Variants in CPEB1 observed in about 807,000 individuals in gnomAD.
CPEB1 encodes cytoplasmic polyadenylation element-binding protein 1.
In CPEB1, 7 loss-of-function variants were observed where a neutral mutation model predicts 65.8. That is an observed-to-expected ratio of 0.11 (90% confidence interval 0.06 to 0.20). CPEB1 has a LOEUF of 0.20. Among genes scored for constraint, CPEB1 ranks in the 10% least tolerant of loss-of-function variants. CPEB1 has a pLI of 1.00. For synonymous variants in CPEB1, 262 were observed against 260.0 expected, an observed-to-expected ratio of 1.01 and a Z score of -0.08; for missense variants, 551 against 712.2, an observed-to-expected ratio of 0.77 and a Z score of 2.58.
intron 1 of CPEB1, among the ~76,000 whole-genome samples, chr15:82,631,627 G>A (rs1431836134): frequency 6.6e-6 from 1 of 152,060 alleles, no homozygotes; most frequent in Non-Finnish European, 1.5e-5. Flanking sequence ...ATTATTCAGA[G>A]GCCACCACAG....
intron 3 of CPEB1, among the ~76,000 whole-genome samples, chr15:82,574,735 A>AAAAAAAAAAAC (rs2040465748): frequency 7.1e-6 from 1 of 141,684 alleles, no homozygotes; most frequent in East Asian, 1.9e-4. Flanking sequence ...AAAAAAAAAA[A>AAAAAAAAAAAC]AAAAAAAAAA....
Position 82,561,917 on chromosome 15 carries a change from G to A in CPEB1, c.461-3931C>T, listed in dbSNP as rs113976198. 4.5e-3 allele frequency among the ~76,000 whole-genome samples: 678 copies of A among 152,252 alleles called. 4 individuals are homozygous for A. The highest frequency in any genetic ancestry group is 0.015 in the African/African-American group (636 of 41,526). ...CAGTTCATGGTCATTCATCTGTTCCGCAATCTGGACCAGGTTCAGTTAAGC... is the reference window on the plus strand; with the variant it reads ...CAGTTCATGGTCATTCATCTGTTCCACAATCTGGACCAGGTTCAGTTAAGC... On this transcript the variant is annotated intron_variant, in intron 4 of 12. Coordinates refer to ENST00000684509, the MANE Select transcript of CPEB1 (RefSeq NM_001365242.1).
At chr15:82,647,621 C>A, upstream of CPEB1, 1 of 336,846 alleles carries the variant, frequency 3.0e-6, no homozygotes, top group Admixed American at 4.9e-5. Context: ...CCCCGCAGGG[C>A]TGCGGCGCCT....
At chr15:82,621,014 T>C (rs2151293524) in intron 3 of CPEB1, among the ~76,000 whole-genome samples, 1 of 152,362 alleles carries the variant, frequency 6.6e-6, no homozygotes, top group Admixed American at 6.5e-5. Context: ...ACTTAACTGT[T>C]AAAGCCACAC....
upstream of CPEB1, chr15:82,648,236 G>C: frequency 4.2e-6 from 1 of 238,496 alleles, no homozygotes; most frequent in Non-Finnish European, 8.1e-6. Context: ...GACCCTTGCC[G>C]AGTCACTGTC....
intron 3 of CPEB1, among the ~76,000 whole-genome samples, chr15:82,578,437 C>A (rs995754516): frequency 6.6e-6 from 1 of 152,066 alleles, no homozygotes; most frequent in Non-Finnish European, 1.5e-5. Flanking sequence ...AGGGCACAAA[C>A]CTATGGAAAC....
intron 2 of CPEB1, chr15:82,628,120 A>G: frequency 1.5e-6 from 1 of 681,208 alleles, no homozygotes; most frequent in Non-Finnish European, 2.6e-6. Flanking sequence ...AGGTCATGAA[A>G]GTCTAGAAGA....
At chr15:82,596,624 G>A (rs943422264) in intron 3 of CPEB1, among the ~76,000 whole-genome samples, 2 of 150,610 alleles carry the variant, frequency 1.3e-5, no homozygotes, top group African/African-American at 2.4e-5. Context: ...CTTGAACCCC[G>A]GAGGCAGAGG....
intron 10 of CPEB1, 111 bp from the exon 11 acceptor site, chr15:82,547,348 G>A: frequency 1.6e-6 from 1 of 612,810 alleles, no homozygotes. Context: ...CCAGGCTGGT[G>A]TGCAGTGGCG....
chr15:82,606,223 T>C (rs2043574374), intron 3 of CPEB1, among the ~76,000 whole-genome samples: 1 of 152,076 alleles, frequency 6.6e-6, no homozygotes, highest in Non-Finnish European at 1.5e-5. Context: ...ATCCCAGCAC[T>C]TTGGGAGGCC....
chr15:82,604,297 C>A (rs990282828), intron 3 of CPEB1, among the ~76,000 whole-genome samples: 2 of 152,144 alleles, frequency 1.3e-5, no homozygotes, highest in African/African-American at 2.4e-5. Context: ...TCCTGGCTAA[C>A]AGGGTGAAAC....
At chr15:82,577,474 C>T (rs568438913) in intron 3 of CPEB1, among the ~76,000 whole-genome samples, 1 of 152,288 alleles carries the variant, frequency 6.6e-6, no homozygotes, top group African/African-American at 2.4e-5. Context: ...TAAGGTGTGT[C>T]TAAGTGAAGG....
chr15:82,646,780 G>A (rs1596155249), intron 1 of CPEB1, among the ~76,000 whole-genome samples: 2 of 152,168 alleles, frequency 1.3e-5, no homozygotes, highest in African/African-American at 4.8e-5. Context: ...ACATGAAAAA[G>A]CCTCGGGGAA....
intron 3 of CPEB1, among the ~76,000 whole-genome samples, chr15:82,619,450 CAATTT>C (rs1275285015): frequency 6.6e-6 from 1 of 152,128 alleles, no homozygotes; most frequent in African/African-American, 2.4e-5. Context: ...TACTTCATTA[CAATTT>C]AAGTTTTCTG....
At chr15:82,599,964 GAATA>G (rs985530899) in intron 3 of CPEB1, among the ~76,000 whole-genome samples, 1 of 151,840 alleles carries the variant, frequency 6.6e-6, no homozygotes, top group African/African-American at 2.4e-5. Context: ...TGAGAAAGTA[GAATA>G]AATATTTAAT....
chr15:82,585,153 T>C (rs1386077324), intron 3 of CPEB1, among the ~76,000 whole-genome samples: 2 of 152,102 alleles, frequency 1.3e-5, no homozygotes, highest in Non-Finnish European at 2.9e-5. Flanking sequence ...AGCCCTTTAT[T>C]TCACAGTAGG....
In CPEB1 at chr15:82,553,542, T is replaced by C. The variant is rs1204738005; in HGVS notation, c.1069A>G (p.Thr357Ala). ...CTCAAAGAGCCAAAAACACGGAAGG[T>C]GTTAACTAATCCAGCTGCAAAGAGA... The part of the protein sequence containing the change: ...WDITEAGLVN[T>A]FRVFGSLSVE... The change falls in exon 8 of 13, where the codon ACC (threonine) becomes GCC (alanine). Residue 357 changes from threonine to alanine, a missense_variant. This residue lies in a region of CPEB1 where 99 missense variants were observed against 161.3 expected (regional missense o/e 0.61). Coordinates refer to ENST00000684509, the MANE Select transcript of CPEB1 (RefSeq NM_001365242.1). 3.1e-6 allele frequency: 5 copies of C among 1,612,278 alleles called. No individual in the cohort carries two copies. The African/African-American group carries it at 4.0e-5, about 13-fold the overall frequency.
intron 3 of CPEB1, among the ~76,000 whole-genome samples, chr15:82,608,365 G>A (rs369044386): frequency 0.013 from 1,797 of 138,796 alleles, 12 homozygotes; most frequent in South Asian, 0.032. Flanking sequence ...CATAAGTGGG[G>A]CCTTGTGTGT....
intron 9 of CPEB1, 101 bp downstream of exon 9, chr15:82,552,379 A>G: frequency 8.5e-7 from 1 of 1,170,612 alleles, no homozygotes; most frequent in South Asian, 1.7e-5. Flanking sequence ...CTCAGCAGGA[A>G]TACTCCTTGC....
Sources: gnomAD v4.1 joint callset for allele counts (sites outside exome capture counted in the v4.1 genomes callset) on GRCh38, gnomAD v4.1.1 for gene constraint, gnomAD v4.1.1 regional missense constraint, MANE v1.5 for transcripts, NCBI Gene and HGNC (gene_info 2026-07-23, HGNC 2026-07-21) for gene names.